Variants in E2F3 observed in about 807,000 individuals in gnomAD.
E2F3 encodes the protein transcription factor E2F3.
Under a neutral mutation model 44.4 loss-of-function variants are expected in E2F3, and 11 were observed. The observed-to-expected ratio is 0.25, with a 90% CI of 0.16 to 0.41. The LOEUF is 0.41. Ranked by LOEUF, E2F3 falls within the 10% of genes least tolerant of loss-of-function variation. The probability of loss-of-function intolerance (pLI) is 1.00; values close to 1 mark genes in which losing one functional copy is unlikely to be tolerated. For missense variants in E2F3, 487 were observed against 583.6 expected (o/e 0.83, Z 1.70); for synonymous variants, 249 against 253.0 (o/e 0.98, Z 0.15).
chr6:20,453,189 G>GT (rs1027461952), intron 1 of E2F3, among the ~76,000 whole-genome samples: 7 of 151,764 alleles, frequency 4.6e-5, no homozygotes, highest in Non-Finnish European at 1.0e-4. Flanking sequence ...TATTTGTGGG[G>GT]TTTTTTTGGT....
At chr6:20,436,452 AACACACACAC>A (rs765678025) in intron 1 of E2F3, among the ~76,000 whole-genome samples, 39 of 146,232 alleles carry the variant, frequency 2.7e-4, no homozygotes, top group Non-Finnish European at 4.5e-4. Context: ...TGAGCTAGGA[AACACACACAC>A]ACACACACAC....
chr6:20,468,484 A>G (rs1226819915), intron 1 of E2F3, among the ~76,000 whole-genome samples: 1 of 152,218 alleles, frequency 6.6e-6, no homozygotes, highest in Non-Finnish European at 1.5e-5. Flanking sequence ...ACCTCCTTGC[A>G]TGCGTCACCC....
chr6:20,484,123 G>A (rs1050493744), intron 4 of E2F3, among the ~76,000 whole-genome samples: 3 of 152,156 alleles, frequency 2.0e-5, no homozygotes, highest in African/African-American at 7.2e-5. Flanking sequence ...GGTTACATGT[G>A]ATTGGCAGCC....
intron 1 of E2F3, among the ~76,000 whole-genome samples, chr6:20,438,578 T>C (rs1489737372): frequency 6.6e-6 from 1 of 152,212 alleles, no homozygotes; most frequent in Non-Finnish European, 1.5e-5. Flanking sequence ...AAATTTCTAT[T>C]GTGAAAATCC....
At chr6:20,432,039 C>A (rs1046137408) in intron 1 of E2F3, among the ~76,000 whole-genome samples, 1 of 152,248 alleles carries the variant, frequency 6.6e-6, no homozygotes, top group Non-Finnish European at 1.5e-5. Flanking sequence ...CCTCTTTCAA[C>A]TTAATCACCT....
chr6:20,448,451 A>G (rs986258428), intron 1 of E2F3, among the ~76,000 whole-genome samples: 1 of 152,068 alleles, frequency 6.6e-6, no homozygotes, highest in African/African-American at 2.4e-5. Context: ...CTTGCCTTTA[A>G]TATGTATATG....
intron 1 of E2F3, among the ~76,000 whole-genome samples, chr6:20,473,553 T>C (rs1447557223): frequency 6.6e-6 from 1 of 152,220 alleles, no homozygotes; most frequent in Admixed American, 6.5e-5. Flanking sequence ...GTGGTATTAA[T>C]AATAATCTAA....
In E2F3 at chr6:20,490,406, G is replaced by A. The variant is rs1353735591; in HGVS notation, c.1374G>A (p.Leu458=). ...CTTACGATTTGGAAAAGCTCCCACT[G>A]GTGGAAGACTTCATGTGTAGTTGAT... ...FDAYDLEKLP[L]VEDFMCS The change falls in exon 7 of 7, where the codon CTG becomes CTA. Residue 458 remains leucine, a synonymous_variant. Coordinates refer to ENST00000346618, the MANE Select transcript of E2F3 (RefSeq NM_001949.5). The surrounding 1 kb of genome is among the most constrained non-coding windows in gnomAD (Gnocchi z 4.3). 6 of 1,593,782 alleles carry A rather than the reference G, an allele frequency of 3.8e-6. No individual in the cohort carries two copies. The highest frequency in any genetic ancestry group is 5.1e-6 in the Non-Finnish European group (6 of 1,169,768).
chr6:20,462,689 C>G (rs1761552361), intron 1 of E2F3, among the ~76,000 whole-genome samples: 1 of 151,792 alleles, frequency 6.6e-6, no homozygotes, highest in African/African-American at 2.4e-5. Context: ...AACTCCTGAC[C>G]TCAGGTAATC....
intron 1 of E2F3, among the ~76,000 whole-genome samples, chr6:20,436,470 C>CAA (rs1176405013): frequency 1.5e-5 from 2 of 136,906 alleles, no homozygotes; most frequent in African/African-American, 5.4e-5. Flanking sequence ...CACACACACA[C>CAA]ACACACACAG....
rs1438924089 is a variant in E2F3 at position 20,493,559 on chromosome 6, A to C, written c.*3129A>C. ...AAAAAGAAAATATGTAATATAATGT[A>C]AAAAAAAACAAAAAAAAGCTTTTAT... On this transcript the variant is annotated 3_prime_UTR_variant, in exon 7 of 7. Coordinates refer to ENST00000346618, the MANE Select transcript of E2F3 (RefSeq NM_001949.5). The C allele has an allele frequency of 1.0e-4, 20 of 199,166 alleles. No individual in the cohort carries two copies. The East Asian group carries it at 1.6e-3, about 16-fold the overall frequency. 12.3% of individuals were successfully genotyped at this position (199,166 alleles called of 1,614,324 possible).
At chr6:20,440,515 G>T (rs899145530) in intron 1 of E2F3, among the ~76,000 whole-genome samples, 13 of 152,122 alleles carry the variant, frequency 8.5e-5, no homozygotes, top group African/African-American at 2.9e-4. Flanking sequence ...GGGAGTCTTG[G>T]CTCCTTCTCT....
intron 1 of E2F3, among the ~76,000 whole-genome samples, chr6:20,417,893 C>A (rs1054709794): frequency 1.9e-4 from 29 of 152,008 alleles, no homozygotes; most frequent in Non-Finnish European, 3.8e-4. Flanking sequence ...GTGGGCATTT[C>A]CTCTCTCTTT....
intron 1 of E2F3, among the ~76,000 whole-genome samples, chr6:20,448,942 C>T (rs997937289): frequency 2.0e-5 from 3 of 152,168 alleles, no homozygotes; most frequent in African/African-American, 7.2e-5. Context: ...AAAAGCCTGG[C>T]TTCTTTCATC....
chr6:20,447,684 G>T (rs186232314), intron 1 of E2F3, among the ~76,000 whole-genome samples: 44 of 152,224 alleles, frequency 2.9e-4, no homozygotes, highest in African/African-American at 1.1e-3. Context: ...AAGGGAATAG[G>T]CTGTGAAGTC....
chr6:20,418,520 G>A (rs982234905), intron 1 of E2F3, among the ~76,000 whole-genome samples: 6 of 152,164 alleles, frequency 3.9e-5, no homozygotes, highest in African/African-American at 1.4e-4. Context: ...TCTGGAGGGC[G>A]GCTTTGTGTT....
At chr6:20,445,108 G>A (rs1760897842) in intron 1 of E2F3, 1 of 985,298 alleles carries the variant, frequency 1.0e-6, no homozygotes, top group Non-Finnish European at 1.2e-6. Flanking sequence ...TCGAGAGCGG[G>A]TCATGGTGAG....
intron 2 of E2F3, 91 bp from the exon 3 acceptor site, chr6:20,481,115 G>A: frequency 8.3e-7 from 1 of 1,208,170 alleles, no homozygotes; most frequent in Non-Finnish European, 1.2e-6. Flanking sequence ...GGCTGCAGTG[G>A]GAAAGAGAGC....
chr6:20,451,335 A>G lies in E2F3; in HGVS notation c.394-28511A>G, dbSNP rs534356094. On this transcript the variant is annotated intron_variant, in intron 1 of 6. Coordinates refer to ENST00000346618, the MANE Select transcript of E2F3 (RefSeq NM_001949.5). ...TCTTTTTGTGGCAGTTGTGAATGGGATTATGTTTCTGATTTGGCTCTTGGC... is the reference window on the plus strand; with the variant it reads ...TCTTTTTGTGGCAGTTGTGAATGGGGTTATGTTTCTGATTTGGCTCTTGGC... Among the ~76,000 whole-genome samples the G allele has an allele frequency of 1.0e-3, 159 of 152,052 alleles. 4 individuals carry two copies. In the South Asian group the frequency reaches 0.032, roughly 30 times the overall value.
Sources: gnomAD v4.1 joint callset for allele counts (sites outside exome capture counted in the v4.1 genomes callset) on GRCh38, gnomAD v4.1.1 for gene constraint, Gnocchi (gnomAD v3.1) non-coding constraint, MANE v1.5 for transcripts, NCBI Gene and HGNC (gene_info 2026-07-23, HGNC 2026-07-21) for gene names.